The following SBF2 variants were observed in gnomAD, a reference collection of about 807,000 sequenced individuals.
SBF2 encodes myotubularin-related protein 13.
Under a neutral mutation model 225.2 loss-of-function variants are expected in SBF2, and 112 were observed. That is an observed-to-expected ratio of 0.50 (90% confidence interval 0.43 to 0.58). The LOEUF (loss-of-function observed/expected upper bound fraction) is 0.58. Ranked by LOEUF, SBF2 falls within the 20% of genes least tolerant of loss-of-function variation. The pLI, the probability that SBF2 is intolerant of heterozygous loss-of-function variation, is 0.00. For synonymous variants in SBF2, 763 were observed against 773.3 expected (o/e 0.99, Z 0.22); for missense variants, 1,996 against 2,206.2 (o/e 0.90, Z 1.91).
intron 16 of SBF2, among the ~76,000 whole-genome samples, chr11:9,905,687 T>C (rs1448760916): frequency 2.0e-5 from 3 of 152,200 alleles, no homozygotes; most frequent in Non-Finnish European, 2.9e-5. Context: ...ACTGGTTAGA[T>C]AGATTTTTAA....
upstream of SBF2, among the ~76,000 whole-genome samples, chr11:10,294,560 T>G (rs1964409997): frequency 6.6e-6 from 1 of 152,134 alleles, no homozygotes; most frequent in Non-Finnish European, 1.5e-5. Flanking sequence ...CTTCCTCTGC[T>G]CCCCACCACC....
chr11:10,148,925 G>C (rs1430772937), intron 2 of SBF2, among the ~76,000 whole-genome samples: 1 of 152,034 alleles, frequency 6.6e-6, no homozygotes, highest in Non-Finnish European at 1.5e-5. Context: ...CCCTCTATGG[G>C]TTTTCCTTGC....
At chr11:10,200,584 CA>C in intron 1 of SBF2, among the ~76,000 whole-genome samples, 1 of 152,218 alleles carries the variant, frequency 6.6e-6, no homozygotes, top group African/African-American at 2.4e-5. Context: ...AAAGATTTTT[CA>C]GACTCAAGTT....
intron 6 of SBF2, among the ~76,000 whole-genome samples, chr11:10,024,074 C>A (rs1948961156): frequency 6.6e-6 from 1 of 152,114 alleles, no homozygotes; most frequent in South Asian, 2.1e-4. Context: ...GAAACCGAAT[C>A]ATGCCGTATA....
In SBF2 at chr11:9,858,343, G is replaced by A. The variant is rs1857470291; in HGVS notation, c.1983C>T (p.Pro661=). 6.2e-7 allele frequency: 1 copy of A among 1,614,154 alleles called. No individual in the cohort carries two copies. Among genetic ancestry groups the A allele is most frequent in the East Asian group, 2.2e-5 (1 of 44,892 alleles). The change falls in exon 18 of 40, where the codon CCC becomes CCT. Residue 661 remains proline (P), a synonymous_variant. Coordinates refer to ENST00000256190, the MANE Select transcript of SBF2 (RefSeq NM_030962.4). ...QFAYTCVQDH[P]IWTNQQFWET... The stretch of plus-strand genomic sequence containing the variant: ...CCCAAAATTGCTGATTTGTCCAAAT[G>A]GGGTGGTCTTGTACACACGTGTAAG...
At position 9,989,554 on chromosome 11, in the gene SBF2, A is replaced by G; in HGVS notation, c.1338T>C (p.Asn446=). Residue 446 remains asparagine, a synonymous_variant, in exon 13 of 40, where the codon AAT becomes AAC. Transcript: ENST00000256190. The part of the protein sequence containing the change: ...FEVERIKVEE[N]NPVKMIKHVR... ...CATGCTTTATCATCTTCACTGGGTT[A>G]TTTTCTTCAACTTTAATTCTCTCTA... The G allele has an allele frequency of 6.2e-7, 1 of 1,611,046 alleles. No homozygotes were observed. Among genetic ancestry groups the G allele is most frequent in the Non-Finnish European group, 8.5e-7 (1 of 1,177,756 alleles).
chr11:10,119,024 G>A (rs1292912352), intron 2 of SBF2, among the ~76,000 whole-genome samples: 1 of 151,616 alleles, frequency 6.6e-6, no homozygotes, highest in Non-Finnish European at 1.5e-5. Context: ...GCTGTTCCAA[G>A]TTCATATCCT....
chr11:10,161,146 T>C (rs967452404), intron 2 of SBF2, among the ~76,000 whole-genome samples: 3 of 137,450 alleles, frequency 2.2e-5, no homozygotes, highest in Admixed American at 8.1e-5. Flanking sequence ...AATTGCACCA[T>C]TGCACTCCAG....
chr11:9,935,359 C>T (rs918657399), intron 16 of SBF2, among the ~76,000 whole-genome samples: 3 of 151,882 alleles, frequency 2.0e-5, no homozygotes, highest in African/African-American at 7.3e-5. Context: ...GAACCAATAC[C>T]GTGAAAATGG....
intron 2 of SBF2, among the ~76,000 whole-genome samples, chr11:10,118,187 A>G (rs1305553493): frequency 6.6e-6 from 1 of 152,192 alleles, no homozygotes; most frequent in Admixed American, 6.5e-5. Context: ...AGGACATTAG[A>G]CAATTTAAAC....
chr11:10,262,189 G>A (rs1031871721), intron 1 of SBF2, among the ~76,000 whole-genome samples: 1 of 152,116 alleles, frequency 6.6e-6, no homozygotes, highest in Non-Finnish European at 1.5e-5. Flanking sequence ...ATAATTTACT[G>A]TGAAATACAT....
At chr11:9,808,639 T>G in intron 31 of SBF2, 1 of 434,062 alleles carries the variant, frequency 2.3e-6, no homozygotes, top group Non-Finnish European at 4.2e-6. Flanking sequence ...CTCACACTGC[T>G]GGTCAAGGGC....
At chr11:10,118,565 T>A (rs192098377) in intron 2 of SBF2, among the ~76,000 whole-genome samples, 17 of 152,102 alleles carry the variant, frequency 1.1e-4, no homozygotes, top group African/African-American at 3.9e-4. Flanking sequence ...ACAAAGAATT[T>A]AAATTCTATA....
At chr11:10,102,409 A>T (rs1028302592) in intron 2 of SBF2, among the ~76,000 whole-genome samples, 1 of 152,232 alleles carries the variant, frequency 6.6e-6, no homozygotes, top group African/African-American at 2.4e-5. Context: ...ACACTGTAAC[A>T]TGTAATTGAG....
At chr11:9,953,418 G>A (rs559730400) in intron 16 of SBF2, among the ~76,000 whole-genome samples, 24 of 151,916 alleles carry the variant, frequency 1.6e-4, no homozygotes, top group African/African-American at 2.9e-4. Context: ...ATTCCAGCCC[G>A]GGTGACAGAG....
At chr11:10,105,729 G>A (rs771401807) in intron 2 of SBF2, among the ~76,000 whole-genome samples, 2 of 152,154 alleles carry the variant, frequency 1.3e-5, no homozygotes, top group African/African-American at 4.8e-5. Context: ...AACCTGTATC[G>A]ATCAGCCATC....
chr11:9,896,344 C>T (rs1284808430), intron 16 of SBF2, among the ~76,000 whole-genome samples: 13 of 152,102 alleles, frequency 8.5e-5, no homozygotes, highest in Admixed American at 8.5e-4. Flanking sequence ...GTAACTTACA[C>T]AAATTTTTTT....
intron 30 of SBF2, 35 bp downstream of exon 30, chr11:9,812,497 T>C (rs1854244132): frequency 1.2e-6 from 2 of 1,612,080 alleles, no homozygotes; most frequent in Non-Finnish European, 1.7e-6. Context: ...TCTGTTTCTT[T>C]GAGTTATAAA....
At position 9,829,385 on chromosome 11, in the gene SBF2, G is replaced by A. The variant is rs375141782; in HGVS notation, c.3764C>T (p.Thr1255Ile). 2.0e-5 allele frequency: 33 copies of A among 1,614,058 alleles called. No individual in the cohort carries two copies. The highest frequency in any genetic ancestry group is 2.6e-5 in the Non-Finnish European group (31 of 1,180,010). The part of the protein sequence containing the change: ...HQKLRGNSTL[T>I]VRPAFALSPG... ...AGATAGAGCAAAGGCTGGCCTGACA[G>A]TAAGAGTGCTGTTGCCTCTGAGTTT... The change falls in exon 28 of 40, where the codon ACT (threonine) becomes ATT (isoleucine). Residue 1255 changes from threonine (T) to isoleucine (I), a missense_variant. Thr to Ile is a moderately conservative substitution (Grantham distance 89). Transcript: ENST00000256190.
Sources: gnomAD v4.1 joint callset for allele counts (sites outside exome capture counted in the v4.1 genomes callset) on GRCh38, gnomAD v4.1.1 for gene constraint, MANE v1.5 for transcripts, NCBI Gene and HGNC (gene_info 2026-07-23, HGNC 2026-07-21) for gene names.